DNAH10: variants seen among roughly 807,000 people sequenced by gnomAD.
DNAH10 encodes dynein axonemal heavy chain 10, also known as axonemal beta dynein heavy chain 10.
Under a neutral mutation model 506.6 loss-of-function variants are expected in DNAH10, and 348 were observed. The observed-to-expected ratio is 0.69, with a 90% CI of 0.63 to 0.75. The LOEUF (loss-of-function observed/expected upper bound fraction) is 0.75. DNAH10 is among the 30% of genes least tolerant of loss of function. The pLI is 0.00. For synonymous variants in DNAH10, 2,059 were observed against 2,198.6 expected (o/e 0.94, Z 1.78); for missense variants, 5,179 against 5,787.1 (o/e 0.89, Z 3.41).
At chr12:123,833,035 C>A in intron 26 of DNAH10, 79 bp from the exon 27 acceptor site, 1 of 1,086,072 alleles carries the variant, frequency 9.2e-7, no homozygotes, top group Non-Finnish European at 1.4e-6. Context: ...CAAAAGCAAG[C>A]TAAGGAAGGT....
chr12:123,897,679 C>G, intron 54 of DNAH10, 91 bp from the exon 55 acceptor site: 1 of 1,365,266 alleles, frequency 7.3e-7, no homozygotes, highest in Non-Finnish European at 1.0e-6. Flanking sequence ...GAGCCATGAT[C>G]ACGCCACTGC....
chr12:123,890,535 C>G (rs1469553619), intron 52 of DNAH10, among the ~76,000 whole-genome samples: 1 of 151,996 alleles, frequency 6.6e-6, no homozygotes, highest in Non-Finnish European at 1.5e-5. Context: ...TTTTTCCTGC[C>G]TCACCTTCCC....
Position 123,833,244 on chromosome 12 carries a change from C to T in DNAH10, c.4676C>T (p.Thr1559Ile), listed in dbSNP as rs754673066. The T allele has an allele frequency of 1.1e-5, 18 of 1,613,814 alleles. No individual in the cohort carries two copies. Among genetic ancestry groups the T allele is most frequent in the Non-Finnish European group, 1.5e-5 (18 of 1,179,882 alleles). ...ATTATTCAGTCTCTTGATGACAACA[C>T]TTTCAACCTGCAGAGCATCTCAGGA... ...DEIIQSLDDNTFNLQSISGSR... is the reference protein window; with the variant it reads ...DEIIQSLDDNIFNLQSISGSR... The change falls in exon 27 of 79, where the codon ACT becomes ATT. Residue 1559 changes from threonine (T) to isoleucine (I), a missense_variant. Physicochemically the swap from Thr to Ile is moderately conservative, Grantham distance 89. This residue lies in a region of DNAH10 where 4,844 missense variants were observed against 5,430.5 expected (regional missense o/e 0.89). Transcript: ENST00000673944.
chr12:123,895,978 T>G (rs1012277641), intron 54 of DNAH10, among the ~76,000 whole-genome samples: 6 of 151,764 alleles, frequency 4.0e-5, no homozygotes, highest in African/African-American at 1.5e-4. Context: ...CTGGGTGTGG[T>G]GGTGGGCACC....
chr12:123,776,662 T>C (rs1251019012), intron 5 of DNAH10, among the ~76,000 whole-genome samples: 1 of 151,096 alleles, frequency 6.6e-6, no homozygotes, highest in African/African-American at 2.4e-5. Context: ...AAAAATAAAT[T>C]AAGATAACAT....
At chr12:123,896,170 G>A (rs1332165591) in intron 54 of DNAH10, among the ~76,000 whole-genome samples, 9 of 150,846 alleles carry the variant, frequency 6.0e-5, no homozygotes, top group Admixed American at 6.0e-4. Flanking sequence ...GAGAGAGAGA[G>A]AGAGAGAGAG....
At chr12:123,854,070 T>G (rs967490008) in intron 36 of DNAH10, among the ~76,000 whole-genome samples, 4 of 45,330 alleles carry the variant, frequency 8.8e-5, no homozygotes, top group Non-Finnish European at 1.9e-4. Context: ...CACATTTGGG[T>G]TTTTTTTTTT....
At chr12:123,828,193 A>G (rs1200484356) in intron 25 of DNAH10, among the ~76,000 whole-genome samples, 1 of 151,992 alleles carries the variant, frequency 6.6e-6, no homozygotes, top group South Asian at 2.1e-4. Context: ...AAAAAAAAAA[A>G]ACTAGCTCAA....
In DNAH10 at chr12:123,767,705, G is replaced by T; in HGVS notation, c.298+16G>T. On this transcript the variant is annotated intron_variant, in intron 2 of 78. Coordinates refer to ENST00000673944, the MANE Select transcript of DNAH10 (RefSeq NM_001372106.1). ...AAAGTGCGAGGTGTGGAGTTGGGAGGGGTCATGGGAGGGTGGAACTGAGAA... is the reference window on the plus strand; with the variant it reads ...AAAGTGCGAGGTGTGGAGTTGGGAGTGGTCATGGGAGGGTGGAACTGAGAA... The T allele has an allele frequency of 6.2e-7, 1 of 1,605,588 alleles. No homozygotes were observed. Among genetic ancestry groups the T allele is most frequent in the South Asian group, 1.1e-5 (1 of 89,380 alleles).
rs1462221093 is a variant in DNAH10 at position 123,833,229 on chromosome 12, C to G, written c.4661C>G (p.Ser1554Cys). Residue 1554 changes from serine to cysteine, a missense_variant, in exon 27 of 79, where the codon TCT (serine) becomes TGT (cysteine). Physicochemically the swap from Ser to Cys is moderately radical, Grantham distance 112. Transcript: ENST00000673944. ...GGTTCTGTTGACGAAATTATTCAGT[C>G]TCTTGATGACAACACTTTCAACCTG... ...ILGSVDEIIQ[S>C]LDDNTFNLQS... 1.2e-6 allele frequency: 2 copies of G among 1,613,778 alleles called. No homozygotes were observed. Among genetic ancestry groups the G allele is most frequent in the Non-Finnish European group, 1.7e-6 (2 of 1,179,868 alleles).
At chr12:123,891,823 C>T (rs1952996059) in intron 52 of DNAH10, among the ~76,000 whole-genome samples, 1 of 152,182 alleles carries the variant, frequency 6.6e-6, no homozygotes. Flanking sequence ...AGCAAAAGGA[C>T]ACAGAGCAAC....
rs141195166 is a variant in DNAH10 at position 123,787,902 on chromosome 12, C to T, written c.1520C>T (p.Ala507Val). ...TTTGACACCCGGGCCAAGATAGAGG[C>T]TTCGGGGAGGGAAGATCGGTGGGAG... is the stretch of plus-strand genomic sequence containing the variant. ...AYFDTRAKIE[A>V]SGREDRWEFD... Residue 507 changes from alanine (A) to valine (V), a missense_variant, in exon 10 of 79, where the codon GCT becomes GTT. This residue lies in a region of DNAH10 where 4,844 missense variants were observed against 5,430.5 expected (regional missense o/e 0.89). Coordinates refer to ENST00000673944, the MANE Select transcript of DNAH10 (RefSeq NM_001372106.1). This position sits in a 1 kb window ranked among gnomAD's most constrained non-coding sequence, Gnocchi z 4.6. 239 of 1,612,762 alleles carry T rather than the reference C, an allele frequency of 1.5e-4. No homozygotes were observed. The highest frequency in any genetic ancestry group is 2.0e-4 in the Non-Finnish European group (231 of 1,179,506).
chr12:123,812,820 C>T (rs891763792), intron 19 of DNAH10, among the ~76,000 whole-genome samples: 3 of 152,016 alleles, frequency 2.0e-5, no homozygotes, highest in East Asian at 1.9e-4. Context: ...TATGGCCTTT[C>T]GTGGTGTAGT....
At chr12:123,869,913 G>A (rs1407823292) in intron 43 of DNAH10, among the ~76,000 whole-genome samples, 5 of 152,176 alleles carry the variant, frequency 3.3e-5, no homozygotes, top group Admixed American at 1.3e-4. Context: ...CGCATTGTCC[G>A]TTGTTCCTGC....
intron 1 of DNAH10, among the ~76,000 whole-genome samples, chr12:123,764,813 A>G (rs939340691): frequency 1.3e-5 from 2 of 151,988 alleles, no homozygotes; most frequent in African/African-American, 4.8e-5. Flanking sequence ...AAGCTGATGG[A>G]TTCCTCGCCG....
At chr12:123,899,262 A>C (rs1285175385) in intron 56 of DNAH10, among the ~76,000 whole-genome samples, 1 of 151,998 alleles carries the variant, frequency 6.6e-6, no homozygotes. Flanking sequence ...TGTCACCTGC[A>C]CTGTCCTGCT....
chr12:123,889,409 C>G (rs372609814), intron 52 of DNAH10, among the ~76,000 whole-genome samples: 59 of 152,302 alleles, frequency 3.9e-4, no homozygotes, highest in African/African-American at 1.4e-3. Flanking sequence ...ATCGGGTCAT[C>G]CACCTGGATT....
Position 123,917,527 on chromosome 12 carries a change from G to A in DNAH10, c.11003-57G>A, listed in dbSNP as rs931967322. On this transcript the variant is annotated intron_variant, in intron 63 of 78. Transcript: ENST00000673944. This position sits in a 1 kb window ranked among gnomAD's most constrained non-coding sequence, Gnocchi z 5.6. ...GCTTGTCCCGTCACAGCAGGGCAGC[G>A]GGAGAGACTGTTGTTGGGGGCCGCA... The A allele has an allele frequency of 1.7e-5, 25 of 1,510,568 alleles. No homozygotes were observed. In the African/African-American group the frequency reaches 2.5e-4, roughly 15 times the overall value. 93.6% of individuals were successfully genotyped at this position (1,510,568 alleles called of 1,614,324 possible).
At position 123,914,447 on chromosome 12, in the gene DNAH10, A is replaced by G. The variant is rs1390806668; in HGVS notation, c.10471A>G (p.Met3491Val). 6.2e-7 allele frequency: 1 copy of G among 1,613,780 alleles called. No homozygotes were observed. Among genetic ancestry groups the G allele is most frequent in the Admixed American group, 1.7e-5 (1 of 60,028 alleles). ...GAFTWEFRDE[M>V]VNRIWQNDIL... Reference sequence around the variant, plus strand: ...CTTCACCTGGGAGTTCCGTGACGAGATGGTCAATCGGATTTGGCAAAATGA... The same window carrying G: ...CTTCACCTGGGAGTTCCGTGACGAGGTGGTCAATCGGATTTGGCAAAATGA... Residue 3491 changes from methionine (M) to valine (V), a missense_variant, in exon 61 of 79, where the codon ATG (methionine) becomes GTG (valine). Met to Val is a conservative substitution (Grantham distance 21). Transcript: ENST00000673944.
Sources: allele counts gnomAD v4.1 joint callset (sites outside exome capture counted in the v4.1 genomes callset), GRCh38; gene constraint gnomAD v4.1.1; regional missense constraint gnomAD v4.1.1; non-coding constraint Gnocchi (gnomAD v3.1); transcripts MANE v1.5; gene names NCBI Gene and HGNC (gene_info 2026-07-23, HGNC 2026-07-21).